AFF1: variants seen among roughly 807,000 people sequenced by gnomAD.
AFF1 encodes the protein AF4/FMR2 family member 1.
Under a neutral mutation model 121.7 loss-of-function variants are expected in AFF1, and 48 were observed. The observed-to-expected ratio is 0.39, with a 90% CI of 0.31 to 0.50. The LOEUF (loss-of-function observed/expected upper bound fraction) is 0.50. Ranked by LOEUF, AFF1 falls within the 20% of genes least tolerant of loss-of-function variation. The pLI is 0.76. For missense variants in AFF1, 1,523 were observed against 1,511.7 expected (o/e 1.01, Z -0.12); for synonymous variants, 613 against 563.0 (o/e 1.09, Z -1.26).
At chr4:86,948,426 T>C in intron 1 of AFF1, 72 bp from the exon 2 acceptor site, 1 of 998,300 alleles carries the variant, frequency 1.0e-6, no homozygotes, top group Non-Finnish European at 1.5e-6. Context: ...ATAAAGCTTC[T>C]TACAGGTCAT....
At chr4:86,991,077 A>G (rs1724664268) in intron 2 of AFF1, among the ~76,000 whole-genome samples, 1 of 150,990 alleles carries the variant, frequency 6.6e-6, no homozygotes, top group African/African-American at 2.4e-5. Flanking sequence ...ACTTGAACCC[A>G]GGAGGTGGAG....
intron 2 of AFF1, among the ~76,000 whole-genome samples, chr4:87,011,862 GGGAT>G (rs1726798189): frequency 6.6e-6 from 1 of 152,112 alleles, no homozygotes; most frequent in Non-Finnish European, 1.5e-5. Flanking sequence ...CTGATTTATG[GGGAT>G]GTTGTTGTTT....
intron 2 of AFF1, among the ~76,000 whole-genome samples, chr4:87,035,314 C>A (rs1329816757): frequency 6.6e-6 from 1 of 152,132 alleles, no homozygotes; most frequent in Non-Finnish European, 1.5e-5. Flanking sequence ...GTAATCCCAG[C>A]ACTTTGGGAG....
At chr4:86,983,318 G>T (rs553669103) in intron 2 of AFF1, among the ~76,000 whole-genome samples, 1 of 151,978 alleles carries the variant, frequency 6.6e-6, no homozygotes, top group African/African-American at 2.4e-5. Context: ...ACCTGAGGTC[G>T]GAGTTTGAGA....
chr4:86,986,088 T>C (rs1724252143), intron 2 of AFF1, among the ~76,000 whole-genome samples: 1 of 151,810 alleles, frequency 6.6e-6, no homozygotes, highest in Admixed American at 6.6e-5. Flanking sequence ...TTTAATGTAA[T>C]TGGAGACCGA....
chr4:86,982,848 CAAAAAAAA>C (rs59568294), intron 2 of AFF1, among the ~76,000 whole-genome samples: 51 of 53,812 alleles, frequency 9.5e-4, no homozygotes, highest in African/African-American at 3.0e-3. Flanking sequence ...ACTCTGTCTC[CAAAAAAAA>C]AAAAAAAAAA....
intron 2 of AFF1, among the ~76,000 whole-genome samples, chr4:86,991,612 G>A (rs1724725215): frequency 2.0e-5 from 3 of 152,036 alleles, no homozygotes; most frequent in African/African-American, 7.2e-5. Context: ...CTCCATAACT[G>A]TGGCTACTAC....
intron 2 of AFF1, among the ~76,000 whole-genome samples, chr4:86,995,984 C>T (rs1336251008): frequency 1.0e-4 from 12 of 117,298 alleles, no homozygotes; most frequent in Admixed American, 9.4e-4. Context: ...AGTGAGGAGC[C>T]CCTCCGCCCG....
chr4:87,114,344 T>C, intron 11 of AFF1, 23 bp from the exon 12 acceptor site: 2 of 1,569,158 alleles, frequency 1.3e-6, no homozygotes, highest in African/African-American at 1.4e-5. Flanking sequence ...AGTTAACACT[T>C]TTCTTTCTTT....
At chr4:86,963,962 G>GT (rs1651994779) in intron 2 of AFF1, among the ~76,000 whole-genome samples, 5 of 97,570 alleles carry the variant, frequency 5.1e-5, no homozygotes, top group Admixed American at 9.9e-5. Context: ...TGACTAGACT[G>GT]GTTTTTTTTT....
intron 2 of AFF1, among the ~76,000 whole-genome samples, chr4:87,019,342 G>C (rs923193302): frequency 1.3e-5 from 2 of 152,136 alleles, no homozygotes; most frequent in African/African-American, 4.8e-5. Context: ...GAATCTCTCT[G>C]TGACCTTCTC....
chr4:87,045,532 C>G (rs28653214), intron 2 of AFF1, among the ~76,000 whole-genome samples: 3 of 151,858 alleles, frequency 2.0e-5, no homozygotes, highest in Non-Finnish European at 4.4e-5. Context: ...GATTATAAAG[C>G]GTTCTCCGTC....
At chr4:87,085,010 A>G (rs1352675728) in intron 5 of AFF1, among the ~76,000 whole-genome samples, 5 of 152,238 alleles carry the variant, frequency 3.3e-5, no homozygotes, top group Non-Finnish European at 5.9e-5. Context: ...TGAAAGAAAA[A>G]TAGTGGGAAG....
chr4:87,023,249 G>C (rs1728209212), intron 2 of AFF1, among the ~76,000 whole-genome samples: 1 of 152,156 alleles, frequency 6.6e-6, no homozygotes, highest in South Asian at 2.1e-4. Flanking sequence ...CTTAAAATTA[G>C]CTGGGGAAGA....
chr4:87,090,168 C>G, intron 6 of AFF1, 98 bp downstream of exon 6: 1 of 980,078 alleles, frequency 1.0e-6, no homozygotes, highest in Non-Finnish European at 1.5e-6. Flanking sequence ...TTGTTCAAAT[C>G]TTTGGAAATG....
chr4:86,940,698 C>A (rs1720391777), intron 1 of AFF1, among the ~76,000 whole-genome samples: 1 of 152,182 alleles, frequency 6.6e-6, no homozygotes, highest in African/African-American at 2.4e-5. Flanking sequence ...CTGTGCCTGG[C>A]CTTCCTAATC....
chr4:87,086,056 C>T (rs926565366), intron 5 of AFF1, among the ~76,000 whole-genome samples: 1 of 152,164 alleles, frequency 6.6e-6, no homozygotes, highest in Non-Finnish European at 1.5e-5. Flanking sequence ...ATACTTTGAA[C>T]TGCTAACAGT....
intron 2 of AFF1, chr4:86,949,794 C>T: frequency 6.2e-7 from 1 of 1,613,900 alleles, no homozygotes; most frequent in Non-Finnish European, 8.5e-7. Context: ...AACAGGGCCA[C>T]TGGGAGACAC....
rs1212600269 is a variant in AFF1 at position 86,949,810 on chromosome 4, C to T, written c.38+1239C>T. ...ACAGGGCCACTGGGAGACACTGCGT[C>T]ATGATGGCGAAACCGATCCAGGACC... On this transcript the variant is annotated intron_variant, in intron 2 of 20. Coordinates refer to ENST00000395146, the MANE Select transcript of AFF1 (RefSeq NM_001166693.3). 6 of 1,613,848 alleles carry T rather than the reference C, an allele frequency of 3.7e-6. No homozygotes were observed. The African/African-American group carries it at 6.7e-5, about 18-fold the overall frequency.
Sources: allele counts gnomAD v4.1 joint callset (sites outside exome capture counted in the v4.1 genomes callset), GRCh38; gene constraint gnomAD v4.1.1; transcripts MANE v1.5; gene names NCBI Gene and HGNC (gene_info 2026-07-23, HGNC 2026-07-21).